Variants in ITGBL1 observed in about 807,000 individuals in gnomAD.
The protein encoded by ITGBL1 is integrin subunit beta like 1, also known as integrin beta-like protein 1.
Under a neutral mutation model 68.5 loss-of-function variants are expected in ITGBL1, and 51 were observed. The observed-to-expected ratio is 0.74, with a 90% CI of 0.59 to 0.94. The LOEUF (loss-of-function observed/expected upper bound fraction) is 0.94. Among genes scored for constraint, ITGBL1 ranks in the 40% least tolerant of loss-of-function variants. The pLI is 0.00. For missense variants in ITGBL1, 649 were observed against 647.4 expected, an observed-to-expected ratio of 1.00 and a Z score of -0.03; for synonymous variants, 209 against 227.3, an observed-to-expected ratio of 0.92 and a Z score of 0.72.
At chr13:101,609,207 C>T (rs879871014) in intron 7 of ITGBL1, among the ~76,000 whole-genome samples, 5 of 151,940 alleles carry the variant, frequency 3.3e-5, no homozygotes, top group African/African-American at 7.3e-5. Flanking sequence ...CAGAACATGT[C>T]GGGAATGTAA....
chr13:101,579,459 G>C, intron 5 of ITGBL1, 32 bp downstream of exon 5: 1 of 1,602,544 alleles, frequency 6.2e-7, no homozygotes. Flanking sequence ...CTACATAATG[G>C]GGAGGCAAAC....
intron 2 of ITGBL1, among the ~76,000 whole-genome samples, chr13:101,539,619 A>G (rs1388521480): frequency 6.6e-6 from 1 of 151,702 alleles, no homozygotes; most frequent in Admixed American, 6.6e-5. Context: ...TCCCTGAGGA[A>G]TCGCCACACT....
chr13:101,454,418 C>A (rs1594817948), intron 2 of ITGBL1, among the ~76,000 whole-genome samples: 3 of 137,052 alleles, frequency 2.2e-5, no homozygotes, highest in South Asian at 5.2e-4. Context: ...CCCCCCCCAA[C>A]TCCTGGAATC....
At chr13:101,459,935 T>C (rs1467886504) in intron 2 of ITGBL1, among the ~76,000 whole-genome samples, 2 of 152,162 alleles carry the variant, frequency 1.3e-5, no homozygotes, top group African/African-American at 4.8e-5. Context: ...ATGGGAATTA[T>C]ATGTGGTTAT....
At chr13:101,586,793 C>G (rs972519824) in intron 6 of ITGBL1, among the ~76,000 whole-genome samples, 1 of 152,090 alleles carries the variant, frequency 6.6e-6, no homozygotes, top group Non-Finnish European at 1.5e-5. Flanking sequence ...AGACATCAAC[C>G]TCTGCAGTAT....
chr13:101,600,420 G>A (rs374262543), intron 7 of ITGBL1, among the ~76,000 whole-genome samples: 1 of 151,962 alleles, frequency 6.6e-6, no homozygotes, highest in Non-Finnish European at 1.5e-5. Context: ...CTAATTGAAT[G>A]CCGTTTATTC....
At chr13:101,553,576 T>A (rs2139217736) in intron 2 of ITGBL1, among the ~76,000 whole-genome samples, 1 of 152,282 alleles carries the variant, frequency 6.6e-6, no homozygotes, top group East Asian at 1.9e-4. Context: ...AGAAATTTTT[T>A]GTCACAATGT....
intron 7 of ITGBL1, among the ~76,000 whole-genome samples, chr13:101,652,018 G>C (rs7990917): frequency 0.59 from 90,319 of 151,960 alleles, 26,896 homozygotes; most frequent in Middle Eastern, 0.66. Flanking sequence ...CTATTCTGTT[G>C]CATTGGTCTA....
intron 2 of ITGBL1, among the ~76,000 whole-genome samples, chr13:101,562,861 A>G (rs1014058518): frequency 3.3e-5 from 5 of 151,800 alleles, no homozygotes; most frequent in African/African-American, 1.2e-4. Flanking sequence ...TTTAAAATGC[A>G]CAAGGAAAAT....
Position 101,473,825 on chromosome 13 carries a change from CA to C in ITGBL1, c.316+19726del, listed in dbSNP as rs371105682. Reference sequence around the variant, plus strand: ...AGTGTACCAGAGCCCCCATTCGAGGCACTAGCTCCTTGTGCCAGAAGGAAAC... The same window carrying C: ...AGTGTACCAGAGCCCCCATTCGAGGCCTAGCTCCTTGTGCCAGAAGGAAAC... On this transcript the variant is annotated intron_variant, in intron 2 of 10. Transcript: ENST00000376180. Among the ~76,000 whole-genome samples the C allele has an allele frequency of 4.4e-4, 67 of 152,286 alleles. No homozygotes were observed. The South Asian group carries it at 0.013, about 31-fold the overall frequency.
intron 7 of ITGBL1, among the ~76,000 whole-genome samples, chr13:101,655,727 G>A (rs2032900065): frequency 6.6e-6 from 1 of 152,216 alleles, no homozygotes; most frequent in Admixed American, 6.5e-5. Context: ...GATGTGCTGT[G>A]TTGTAGTACC....
At chr13:101,701,883 T>A (rs1311119628) in intron 8 of ITGBL1, among the ~76,000 whole-genome samples, 1 of 152,190 alleles carries the variant, frequency 6.6e-6, no homozygotes, top group African/African-American at 2.4e-5. Context: ...AGTTTCAATT[T>A]GGGAAGATGA....
chr13:101,645,516 A>G (rs1044110319), intron 7 of ITGBL1, among the ~76,000 whole-genome samples: 1 of 152,118 alleles, frequency 6.6e-6, no homozygotes, highest in Non-Finnish European at 1.5e-5. Context: ...ATTTGTCTCT[A>G]AGAAACAAGG....
intron 2 of ITGBL1, among the ~76,000 whole-genome samples, chr13:101,533,279 C>G (rs2049513934): frequency 6.6e-6 from 1 of 152,216 alleles, no homozygotes; most frequent in Admixed American, 6.5e-5. Context: ...GCTAGTATAG[C>G]TTACTGCTAA....
chr13:101,601,149 T>C (rs2030349674), intron 7 of ITGBL1, among the ~76,000 whole-genome samples: 1 of 152,206 alleles, frequency 6.6e-6, no homozygotes, highest in Non-Finnish European at 1.5e-5. Flanking sequence ...AACTTCTTCC[T>C]GGTTTAGTCT....
chr13:101,634,587 G>A (rs1238248888), intron 7 of ITGBL1, among the ~76,000 whole-genome samples: 1 of 152,098 alleles, frequency 6.6e-6, no homozygotes, highest in Non-Finnish European at 1.5e-5. Context: ...AGTCATTTGG[G>A]ACTAGCTTTC....
chr13:101,601,931 G>C (rs1206029010), intron 7 of ITGBL1, among the ~76,000 whole-genome samples: 2 of 152,046 alleles, frequency 1.3e-5, no homozygotes, highest in African/African-American at 4.8e-5. Context: ...TGAGATCCCT[G>C]AATGAGGGGC....
intron 2 of ITGBL1, among the ~76,000 whole-genome samples, chr13:101,546,493 T>C (rs2049826421): frequency 6.6e-6 from 1 of 151,900 alleles, no homozygotes; most frequent in Admixed American, 6.6e-5. Context: ...AGAAAGATAA[T>C]GAAAACAAAC....
intron 3 of ITGBL1, among the ~76,000 whole-genome samples, chr13:101,572,370 T>C (rs186663147): frequency 6.6e-6 from 1 of 151,910 alleles, no homozygotes; most frequent in East Asian, 2.0e-4. Flanking sequence ...GCTAACTTTG[T>C]GGGAAAAGTA....
Sources: allele counts gnomAD v4.1 joint callset (sites outside exome capture counted in the v4.1 genomes callset), GRCh38; gene constraint gnomAD v4.1.1; transcripts MANE v1.5; gene names NCBI Gene and HGNC (gene_info 2026-07-23, HGNC 2026-07-21).